Variants in CD99 observed in about 807,000 individuals in gnomAD.
CD99 encodes CD99 antigen.
CD99 carries 19 observed loss-of-function variants against 28.4 expected under a neutral mutation model. That is an observed-to-expected ratio of 0.67 (90% confidence interval 0.47 to 0.98). CD99 has a LOEUF of 0.98. Among genes scored for constraint, CD99 ranks in the 50% least tolerant of loss-of-function variants. The probability of loss-of-function intolerance (pLI) is 0.00; values close to 1 mark genes in which losing one functional copy is unlikely to be tolerated. For missense variants in CD99, 283 were observed against 248.8 expected, an observed-to-expected ratio of 1.14 and a Z score of -0.92; for synonymous variants, 103 against 92.1, an observed-to-expected ratio of 1.12 and a Z score of -0.67.
chrX:2,722,769 C>T, intron 6 of CD99, 95 bp downstream of exon 6: 1 of 1,225,462 alleles, frequency 8.2e-7, no homozygotes, highest in Non-Finnish European at 1.2e-6. Flanking sequence ...TGTCAGCTCT[C>T]TGTGAACTCA....
At chrX:2,736,164 T>C (rs1226911860) in intron 8 of CD99, among the ~76,000 whole-genome samples, 5 of 147,622 alleles carry the variant, frequency 3.4e-5, no homozygotes, top group South Asian at 2.1e-4. Flanking sequence ...ATCGCGCCAC[T>C]GCGTTCCAGC....
intron 1 of CD99, among the ~76,000 whole-genome samples, chrX:2,696,422 T>C (rs2047576332): frequency 6.6e-6 from 1 of 152,122 alleles, no homozygotes; most frequent in South Asian, 2.1e-4. Flanking sequence ...TATTTTGAGA[T>C]GAAGTCTCGC....
At chrX:2,730,947 A>AG (rs1569448077) in intron 8 of CD99, among the ~76,000 whole-genome samples, 1 of 148,178 alleles carries the variant, frequency 6.7e-6, no homozygotes, top group Non-Finnish European at 1.5e-5. Context: ...AAAAAAAAAA[A>AG]AGAGAAAGAA....
intron 9 of CD99, among the ~76,000 whole-genome samples, chrX:2,740,330 C>T (rs2050141224): frequency 6.6e-6 from 1 of 152,178 alleles, no homozygotes; most frequent in Non-Finnish European, 1.5e-5. Context: ...TTAATTCCTT[C>T]TTCCAAATCC....
At chrX:2,692,053 T>A (rs1251294872) in intron 1 of CD99, 4 of 626,444 alleles carry the variant, frequency 6.4e-6, no homozygotes, top group Non-Finnish European at 1.2e-5. Flanking sequence ...CTTACCAAAT[T>A]GTCCATCTGC....
At chrX:2,738,067 G>C (rs756106202) in intron 8 of CD99, 133 bp from the exon 9 acceptor site, 5 of 823,764 alleles carry the variant, frequency 6.1e-6, no homozygotes, top group African/African-American at 1.7e-5. Context: ...GGGTCTCGGG[G>C]TTCAGAACTG....
At chrX:2,709,382 A>ACACATATG (rs1398079193) in intron 1 of CD99, among the ~76,000 whole-genome samples, 1 of 152,218 alleles carries the variant, frequency 6.6e-6, no homozygotes, top group Admixed American at 6.5e-5. Context: ...TAGCACCCTC[A>ACACATATG]CACATATGCA....
rs140722740 is a variant in CD99 at position 2,736,332 on chromosome X, C to T, written c.476-1868C>T. Among the ~76,000 whole-genome samples the T allele has an allele frequency of 9.3e-3, 1,407 of 151,864 alleles. 9 individuals are homozygous for T. Among genetic ancestry groups the T allele is most frequent in the Middle Eastern group, 0.027 (8 of 294 alleles). Reference sequence around the variant, plus strand: ...TAGCACGGTCTTTGTGAGGGGGAAACGCATGGCCACAGATTCGATGAGCTT... The same window carrying T: ...TAGCACGGTCTTTGTGAGGGGGAAATGCATGGCCACAGATTCGATGAGCTT... On this transcript the variant is annotated intron_variant, in intron 8 of 9. Coordinates refer to ENST00000381192, the MANE Select transcript of CD99 (RefSeq NM_002414.5).
chrX:2,737,917 G>C, intron 8 of CD99: 1 of 645,942 alleles, frequency 1.5e-6, no homozygotes. Flanking sequence ...AGTGTTTAGG[G>C]AGAAGAAAGC....
chrX:2,712,915 A>G (rs1214259975), intron 1 of CD99, among the ~76,000 whole-genome samples: 1 of 152,094 alleles, frequency 6.6e-6, no homozygotes, highest in African/African-American at 2.4e-5. Context: ...ACACATGCAT[A>G]CATGCACCTA....
Position 2,726,372 on chromosome X carries a change from TG to T in CD99, c.475+1del. ...QKKKLCFKEN[A>X]EQGEVDMESH... ...AAAAGAAGCTATGCTTCAAAGAAAA[TG>T]GTAAGTCTCAGTCCGCCGGTGCCTC... On this transcript the variant is annotated frameshift_variant and splice_region_variant, in exon 8 of 10. Transcript: ENST00000381192. LOFTEE classifies it high-confidence loss of function. 1 of 1,590,804 alleles carries T rather than the reference TG, an allele frequency of 6.3e-7. No individual in the cohort carries two copies. The highest frequency in any genetic ancestry group is 8.6e-7 in the Non-Finnish European group (1 of 1,159,986).
intron 1 of CD99, among the ~76,000 whole-genome samples, chrX:2,695,585 A>T (rs921122528): frequency 3.3e-5 from 5 of 150,736 alleles, no homozygotes; most frequent in African/African-American, 1.2e-4. Context: ...CCACTTTTAA[A>T]TTTTTTTGTA....
At chrX:2,699,370 A>G (rs1431270793) in intron 1 of CD99, among the ~76,000 whole-genome samples, 11 of 149,430 alleles carry the variant, frequency 7.4e-5, no homozygotes, top group Admixed American at 6.0e-4. Context: ...GGATTTCACT[A>G]TGTTGGCCAG....
intron 1 of CD99, among the ~76,000 whole-genome samples, chrX:2,693,150 G>GTGGTGGTT (rs770862071): frequency 6.8e-6 from 1 of 147,024 alleles, no homozygotes; most frequent in South Asian, 2.1e-4. Context: ...GGTGGTGGTG[G>GTGGTGGTT]TTTTTTTTTT....
intron 1 of CD99, among the ~76,000 whole-genome samples, chrX:2,706,545 G>T: frequency 6.6e-6 from 1 of 152,130 alleles, no homozygotes; most frequent in Non-Finnish European, 1.5e-5. Context: ...GAGCAGATGA[G>T]TACTGGAGTG....
At position 2,726,304 on chromosome X, in the gene CD99, G is replaced by T. The variant is rs745447317; in HGVS notation, c.406G>T (p.Val136Phe). 8.1e-6 allele frequency: 13 copies of T among 1,612,158 alleles called. No individual in the cohort carries two copies. In the South Asian group the frequency reaches 1.4e-4, roughly 18 times the overall value. ...CCCCGGGATTGTGGGGGCTGTCGTG[G>T]TCGCCGTGGCTGGAGCCATCTCTAG... is the stretch of plus-strand genomic sequence containing the variant. ...VIPGIVGAVV[V>F]AVAGAISSFI... Residue 136 changes from valine (V) to phenylalanine (F), a missense_variant, in exon 8 of 10, where the codon GTC (valine) becomes TTC (phenylalanine). Transcript: ENST00000381192.
intron 1 of CD99, among the ~76,000 whole-genome samples, chrX:2,707,848 G>A (rs772662496): frequency 1.3e-5 from 2 of 152,272 alleles, no homozygotes; most frequent in South Asian, 2.1e-4. Context: ...TTGTAGCCCC[G>A]GAGGTCGTTT....
At position 2,697,600 on chromosome X, in the gene CD99, G is replaced by GCACGATGGACTGGAA. The variant is rs1181379748; in HGVS notation, c.67+6189_67+6203dup. Among the ~76,000 whole-genome samples, 4 of 152,108 alleles carry GCACGATGGACTGGAA rather than the reference G, an allele frequency of 2.6e-5. No individual in the cohort carries two copies. In the East Asian group the frequency reaches 5.8e-4, roughly 22 times the overall value. On this transcript the variant is annotated intron_variant, in intron 1 of 9. Coordinates refer to ENST00000381192, the MANE Select transcript of CD99 (RefSeq NM_002414.5). The stretch of plus-strand genomic sequence containing the variant: ...CTGACCAGAAGGAGCTTTCGTTTCT[G>GCACGATGGACTGGAA]CACGATGGACTGGAACACGATGGAC...
At chrX:2,714,048 A>T (rs1308309030) in intron 1 of CD99, among the ~76,000 whole-genome samples, 1 of 152,160 alleles carries the variant, frequency 6.6e-6, no homozygotes, top group Non-Finnish European at 1.5e-5. Flanking sequence ...TAATTACAGG[A>T]AAGTTGCCAA....
Sources: allele counts gnomAD v4.1 joint callset (sites outside exome capture counted in the v4.1 genomes callset), GRCh38; gene constraint gnomAD v4.1.1; transcripts MANE v1.5; gene names NCBI Gene and HGNC (gene_info 2026-07-23, HGNC 2026-07-21).